The following SORL1 variants were observed in gnomAD, a reference collection of about 807,000 sequenced individuals.
SORL1 encodes the protein sortilin related receptor 1.
In SORL1, 127 loss-of-function variants were observed where a neutral mutation model predicts 273.7. The observed-to-expected ratio is 0.46, with a 90% CI of 0.40 to 0.54. The LOEUF (loss-of-function observed/expected upper bound fraction) is 0.54, where lower values mean the gene tolerates loss of function less well. Among genes scored for constraint, SORL1 ranks in the 20% least tolerant of loss-of-function variants. The pLI is 0.00. For synonymous variants in SORL1, 1,031 were observed against 1,067.4 expected (o/e 0.97, Z 0.66); for missense variants, 2,494 against 2,846.1 (o/e 0.88, Z 2.81).
chr11:121,478,032 CAAAAAAA>C (rs55896588), intron 2 of SORL1, 79 bp from the exon 3 acceptor site: 2,831 of 1,041,534 alleles, frequency 2.7e-3, no homozygotes, highest in South Asian at 3.0e-3. Flanking sequence ...AACTCAGTCT[CAAAAAAA>C]AAAAAAAAAA....
rs1237418950 is a variant in SORL1, at chr11:121,532,511, C to A, written c.1644C>A (p.Ile548=). 1.9e-6 allele frequency: 3 copies of A among 1,614,164 alleles called. No homozygotes were observed. Among genetic ancestry groups the A allele is most frequent in the South Asian group, 2.2e-5 (2 of 91,084 alleles). Residue 548 remains isoleucine (I), a synonymous_variant, in exon 12 of 48, where the codon ATC becomes ATA. Transcript: ENST00000260197. The part of the protein sequence containing the change: ...HYYTWGDHGG[I]ITAIAQGMET... ...ACACATGGGGAGACCACGGCGGAATCATCACGGCCATTGCCCAGGGCATGG... is the reference window on the plus strand; with the variant it reads ...ACACATGGGGAGACCACGGCGGAATAATCACGGCCATTGCCCAGGGCATGG...
intron 32 of SORL1, among the ~76,000 whole-genome samples, chr11:121,598,333 G>A (rs1249946232): frequency 1.3e-5 from 2 of 152,076 alleles, no homozygotes; most frequent in African/African-American, 4.8e-5. Flanking sequence ...AGTTTTTTTG[G>A]CTGTGGTAAT....
intron 8 of SORL1, among the ~76,000 whole-genome samples, chr11:121,515,693 C>T (rs1002794076): frequency 6.6e-6 from 1 of 152,104 alleles, no homozygotes; most frequent in Non-Finnish European, 1.5e-5. Context: ...GCTCTGTCGC[C>T]CAGGCTGGAG....
In SORL1 at chr11:121,596,505, G is replaced by T. The variant is rs1863296923; in HGVS notation, c.4519+733G>T. Among the ~76,000 whole-genome samples, 1 of 152,208 alleles carries T rather than the reference G, an allele frequency of 6.6e-6. No homozygotes were observed. Among genetic ancestry groups the T allele is most frequent in the Non-Finnish European group, 1.5e-5 (1 of 68,032 alleles). On this transcript the variant is annotated intron_variant, in intron 32 of 47. Coordinates refer to ENST00000260197, the MANE Select transcript of SORL1 (RefSeq NM_003105.6). This position sits in a 1 kb window ranked among gnomAD's most constrained non-coding sequence, Gnocchi z 4.3. ...TGGTCTGTCCTACTGTAGCAGACTT[G>T]GGAGGGCATGGCTGGACGGTGCTTA...
chr11:121,494,878 G>A (rs1417234036), intron 5 of SORL1, among the ~76,000 whole-genome samples: 2 of 152,076 alleles, frequency 1.3e-5, no homozygotes, highest in African/African-American at 4.8e-5. Context: ...ATATCCTCTG[G>A]CTAGAGGAAG....
Position 121,558,643 on chromosome 11 carries a change from A to G in SORL1, c.2716A>G (p.Asn906Asp). ...CCTGAAGCCTGGGATTTATCGGAGC[A>G]ATATGGATGGTTCTGCTGCCTATCA... ...GDLKPGIYRS[N>D]MDGSAAYHLV... Residue 906 changes from asparagine (N) to aspartate (D), a missense_variant, in exon 20 of 48, where the codon AAT becomes GAT. Transcript: ENST00000260197. The G allele has an allele frequency of 6.2e-7, 1 of 1,614,074 alleles. No homozygotes were observed. The highest frequency in any genetic ancestry group is 8.5e-7 in the Non-Finnish European group (1 of 1,180,000).
At chr11:121,559,716 G>T in intron 21 of SORL1, 59 bp downstream of exon 21, 1 of 1,544,868 alleles carries the variant, frequency 6.5e-7, no homozygotes. Context: ...GGGGCTGCGT[G>T]TGGCCAATCT....
rs762767435 is a variant in SORL1, at chr11:121,627,592, G to A, written c.6402G>A (p.Thr2134=). 63 of 1,614,052 alleles carry A rather than the reference G, an allele frequency of 3.9e-5. No homozygotes were observed. Among genetic ancestry groups the A allele is most frequent in the South Asian group, 3.7e-4 (34 of 91,084 alleles). ...DASATQAARS[T]DVAAVVVPIL... Reference sequence around the variant, plus strand: ...CTGCAACGCAGGCTGCCAGATCTACGGATGTTGCTGCTGTGGTGGTGCCCA... The same window carrying A: ...CTGCAACGCAGGCTGCCAGATCTACAGATGTTGCTGCTGTGGTGGTGCCCA... The change falls in exon 47 of 48, where the codon ACG becomes ACA. Residue 2134 remains threonine, a synonymous_variant. Transcript: ENST00000260197. This position sits in a 1 kb window ranked among gnomAD's most constrained non-coding sequence, Gnocchi z 4.9.
Position 121,605,455 on chromosome 11 carries a change from A to G in SORL1, c.4832A>G (p.Asn1611Ser). ...KTLETHSNKT[N>S]TVLKVLKPDT... Reference sequence around the variant, plus strand: ...CTGGAGACCCACAGCAATAAGACAAACACTGTATTAAAAGTCTTGAAACCA... The same window carrying G: ...CTGGAGACCCACAGCAATAAGACAAGCACTGTATTAAAAGTCTTGAAACCA... The change falls in exon 35 of 48, where the codon AAC (asparagine) becomes AGC (serine). Residue 1611 changes from asparagine to serine, a missense_variant. Physicochemically the swap from Asn to Ser is conservative, Grantham distance 46. Transcript: ENST00000260197. The G allele has an allele frequency of 1.2e-6, 2 of 1,614,138 alleles. No individual in the cohort carries two copies. Among genetic ancestry groups the G allele is most frequent in the African/African-American group, 1.3e-5 (1 of 75,032 alleles).
At chr11:121,482,770 G>A (rs892418084) in intron 3 of SORL1, among the ~76,000 whole-genome samples, 1 of 152,256 alleles carries the variant, frequency 6.6e-6, no homozygotes, top group African/African-American at 2.4e-5. Context: ...GTTAGCAGCT[G>A]CTTGGAAAGG....
intron 25 of SORL1, among the ~76,000 whole-genome samples, chr11:121,583,189 C>G (rs11218352): frequency 0.08 from 12,167 of 152,202 alleles, 495 homozygotes; most frequent in Middle Eastern, 0.1. Context: ...TGTAGGTTGT[C>G]GTGAAGAGCA....
At chr11:121,501,389 G>T (rs1242028070) in intron 6 of SORL1, among the ~76,000 whole-genome samples, 1 of 152,124 alleles carries the variant, frequency 6.6e-6, no homozygotes, top group Non-Finnish European at 1.5e-5. Flanking sequence ...TCTCCTCCCT[G>T]ATGCTGGTAA....
chr11:121,595,301 T>G lies in SORL1; in HGVS notation c.4370-322T>G, dbSNP rs79911405. On this transcript the variant is annotated intron_variant, in intron 31 of 47. Coordinates refer to ENST00000260197, the MANE Select transcript of SORL1 (RefSeq NM_003105.6). The surrounding 1 kb of genome is among the most constrained non-coding windows in gnomAD (Gnocchi z 5.1). ...TTCTGAGCTTTCTCCTGTGACGGCT[T>G]AGGGTAGGACGCAGCCTTCGCTGGC... Among the ~76,000 whole-genome samples the G allele has an allele frequency of 5.1e-3, 779 of 152,310 alleles. 8 individuals carry two copies. The highest frequency in any genetic ancestry group is 0.018 in the African/African-American group (748 of 41,558).
rs1212977298 is a variant in SORL1 at position 121,554,863 on chromosome 11, C to G, written c.2440-324C>G. 1.3e-5 allele frequency among the ~76,000 whole-genome samples: 2 copies of G among 152,164 alleles called. No individual in the cohort carries two copies. On this transcript the variant is annotated intron_variant, in intron 17 of 47. Coordinates refer to ENST00000260197, the MANE Select transcript of SORL1 (RefSeq NM_003105.6). This position sits in a 1 kb window ranked among gnomAD's most constrained non-coding sequence, Gnocchi z 4.6. ...AGTCTGGTTTCACTTATTTTAAAAG[C>G]AAACAGACTCATACAATCTCAGTAA...
intron 6 of SORL1, among the ~76,000 whole-genome samples, chr11:121,511,558 T>C (rs1861878288): frequency 6.6e-6 from 1 of 152,240 alleles, no homozygotes; most frequent in African/African-American, 2.4e-5. Context: ...AATATGCTTT[T>C]ACATTTTTAA....
rs1176731173 is a variant in SORL1 at position 121,629,611 on chromosome 11, T to C, written c.*48T>C. 1.1e-6 allele frequency: 1 copy of C among 917,580 alleles called. No homozygotes were observed. The highest frequency in any genetic ancestry group is 1.8e-6 in the Non-Finnish European group (1 of 548,986). The allele number at this position is 917,580 out of a possible 1,614,324, so 56.8% of individuals were successfully genotyped here. On this transcript the variant is annotated 3_prime_UTR_variant, in exon 48 of 48. Transcript: ENST00000260197. ...CAAATGGTGTAAATATTTTATTTGA[T>C]AAAGATAGTTGATGGTTTATTTTAA...
intron 5 of SORL1, among the ~76,000 whole-genome samples, chr11:121,493,379 C>T (rs142574442): frequency 0.013 from 1,906 of 152,272 alleles, 21 homozygotes; most frequent in Middle Eastern, 0.027. Flanking sequence ...GTCTCAGTCT[C>T]CCGAGAAGCT....
intron 12 of SORL1, among the ~76,000 whole-genome samples, chr11:121,542,172 T>A (rs1316004652): frequency 6.6e-6 from 1 of 152,210 alleles, no homozygotes; most frequent in Non-Finnish European, 1.5e-5. Context: ...GTATCTCCAA[T>A]AAATAAGGGC....
At chr11:121,481,832 C>G (rs1861392980) in intron 3 of SORL1, among the ~76,000 whole-genome samples, 1 of 146,320 alleles carries the variant, frequency 6.8e-6, no homozygotes, top group Non-Finnish European at 1.5e-5. Flanking sequence ...CAGGCTTCAT[C>G]TCCTCCTCCC....
Sources: allele counts gnomAD v4.1 joint callset (sites outside exome capture counted in the v4.1 genomes callset), GRCh38; gene constraint gnomAD v4.1.1; non-coding constraint Gnocchi (gnomAD v3.1); transcripts MANE v1.5; gene names NCBI Gene and HGNC (gene_info 2026-07-23, HGNC 2026-07-21).